The following CDH18 variants were observed in gnomAD, a reference collection of about 807,000 sequenced individuals.
The protein encoded by CDH18 is cadherin-18.
In CDH18, 31 loss-of-function variants were observed where a neutral mutation model predicts 67.9. That is an observed-to-expected ratio of 0.46 (90% CI 0.34 to 0.62). The LOEUF (loss-of-function observed/expected upper bound fraction) is 0.62, where lower values mean the gene tolerates loss of function less well. Ranked by LOEUF, CDH18 falls within the 20% of genes least tolerant of loss-of-function variation. CDH18 has a pLI of 0.01. For synonymous variants in CDH18, 362 were observed against 347.2 expected, an observed-to-expected ratio of 1.04 and a Z score of -0.48; for missense variants, 890 against 975.5, an observed-to-expected ratio of 0.91 and a Z score of 1.17.
intron 8 of CDH18, among the ~76,000 whole-genome samples, chr5:19,569,253 C>T (rs1002732280): frequency 2.6e-5 from 4 of 152,204 alleles, no homozygotes; most frequent in African/African-American, 9.6e-5. Flanking sequence ...GTAACCCAAG[C>T]TCCTCATGTA....
chr5:20,273,292 G>GTT (rs1745572166), intron 1 of CDH18, among the ~76,000 whole-genome samples: 1 of 151,894 alleles, frequency 6.6e-6, no homozygotes, highest in Non-Finnish European at 1.5e-5. Flanking sequence ...TGGGCCTTGT[G>GTT]TTCTTGTGGG....
chr5:20,183,491 A>G (rs964533748), intron 2 of CDH18, among the ~76,000 whole-genome samples: 2 of 152,060 alleles, frequency 1.3e-5, no homozygotes, highest in African/African-American at 4.8e-5. Context: ...AGGCAACGAT[A>G]TTCTCCAAAT....
At chr5:20,520,088 C>T in intron 1 of CDH18, among the ~76,000 whole-genome samples, 1 of 150,566 alleles carries the variant, frequency 6.6e-6, no homozygotes, top group Non-Finnish European at 1.5e-5. Flanking sequence ...GTGTGAGCCA[C>T]CACGCCCAGC....
chr5:19,489,960 A>G (rs1407317947), intron 11 of CDH18, among the ~76,000 whole-genome samples: 2 of 152,148 alleles, frequency 1.3e-5, no homozygotes, highest in African/African-American at 4.8e-5. Flanking sequence ...TAATAACTGC[A>G]GAAGTAGAGA....
chr5:20,087,800 G>A (rs1274407259), intron 2 of CDH18, among the ~76,000 whole-genome samples: 1 of 151,952 alleles, frequency 6.6e-6, no homozygotes, highest in Admixed American at 6.6e-5. Context: ...GCTTGTTTGT[G>A]ATGTTCTCTT....
chr5:19,736,478 A>C (rs530825141), intron 4 of CDH18, among the ~76,000 whole-genome samples: 1 of 152,310 alleles, frequency 6.6e-6, no homozygotes, highest in South Asian at 2.1e-4. Flanking sequence ...TTGAAAGATA[A>C]ATAATGATAT....
intron 2 of CDH18, among the ~76,000 whole-genome samples, chr5:19,921,176 TG>T (rs1792404165): frequency 6.6e-6 from 1 of 152,114 alleles, no homozygotes; most frequent in African/African-American, 2.4e-5. Context: ...AATTATGAAC[TG>T]GATGTGACAA....
At chr5:20,230,284 C>A (rs555137253) in intron 2 of CDH18, among the ~76,000 whole-genome samples, 4 of 152,114 alleles carry the variant, frequency 2.6e-5, no homozygotes, top group Non-Finnish European at 5.9e-5. Flanking sequence ...CTAAGCTCAT[C>A]ATCCACTAAA....
chr5:20,037,170 G>T (rs1053565459), intron 2 of CDH18, among the ~76,000 whole-genome samples: 2 of 151,978 alleles, frequency 1.3e-5, no homozygotes, highest in African/African-American at 4.8e-5. Context: ...ATGCTAGCTG[G>T]TTATTTTGCC....
chr5:19,620,676 TG>T (rs1314167488), intron 5 of CDH18, among the ~76,000 whole-genome samples: 3 of 152,152 alleles, frequency 2.0e-5, no homozygotes, highest in Non-Finnish European at 2.9e-5. Flanking sequence ...TCACTAAAGA[TG>T]TTTCAAACTT....
At chr5:20,515,327 A>G (rs1244561977) in intron 1 of CDH18, among the ~76,000 whole-genome samples, 2 of 151,736 alleles carry the variant, frequency 1.3e-5, no homozygotes, top group Admixed American at 6.6e-5. Flanking sequence ...AAAAAGGAAA[A>G]TAAAACCAGA....
chr5:19,937,707 AT>A (rs999358631), intron 2 of CDH18, among the ~76,000 whole-genome samples: 56 of 150,832 alleles, frequency 3.7e-4, no homozygotes, highest in Non-Finnish European at 6.1e-4. Context: ...ATATGTACAT[AT>A]TTTTTTTCAA....
intron 2 of CDH18, among the ~76,000 whole-genome samples, chr5:20,089,891 A>G (rs796108911): frequency 2.0e-4 from 30 of 152,272 alleles, no homozygotes; most frequent in African/African-American, 6.7e-4. Context: ...GAAATTTCCA[A>G]TCATTAACAG....
At chr5:19,658,806 G>A (rs2028937) in intron 5 of CDH18, among the ~76,000 whole-genome samples, 5,159 of 151,382 alleles carry the variant, frequency 0.034, 284 homozygotes, top group African/African-American at 0.12. Context: ...TCCCCACTTC[G>A]CCCACCCCAC....
chr5:19,762,444 G>A (rs1178570280), intron 3 of CDH18, among the ~76,000 whole-genome samples: 3 of 152,138 alleles, frequency 2.0e-5, no homozygotes, highest in Non-Finnish European at 4.4e-5. Context: ...TGTATGAACA[G>A]ACACTTCAAA....
rs146500633 is a variant in CDH18, at chr5:19,627,111, G to A, written c.644-14510C>T. Among the ~76,000 whole-genome samples, 1,060 of 152,238 alleles carry A rather than the reference G, an allele frequency of 7.0e-3. 8 individuals carry two copies. The highest frequency in any genetic ancestry group is 0.013 in the Non-Finnish European group (853 of 68,006). ...TTTTCTCAACTCCATGTTCAATCGTGTCACCTTGGTAACTTGAAAATCAGT... is the reference window on the plus strand; with the variant it reads ...TTTTCTCAACTCCATGTTCAATCGTATCACCTTGGTAACTTGAAAATCAGT... On this transcript the variant is annotated intron_variant, in intron 5 of 12. Transcript: ENST00000382275.
chr5:20,095,066 A>C (rs1745771905), intron 2 of CDH18, among the ~76,000 whole-genome samples: 1 of 152,028 alleles, frequency 6.6e-6, no homozygotes, highest in African/African-American at 2.4e-5. Flanking sequence ...CAGAAAAACA[A>C]ACACCACATG....
At chr5:19,566,683 G>A (rs1740463347) in intron 8 of CDH18, among the ~76,000 whole-genome samples, 1 of 152,008 alleles carries the variant, frequency 6.6e-6, no homozygotes, top group African/African-American at 2.4e-5. Context: ...ATCACAACAC[G>A]TGGGAATTAT....
Position 20,501,605 on chromosome 5 carries a change from T to TATA in CDH18, c.-580+73854_-580+73856dup, listed in dbSNP as rs1554010586. 1.9e-5 allele frequency among the ~76,000 whole-genome samples: 2 copies of TATA among 107,020 alleles called. 1 individual carries two copies. Among genetic ancestry groups the TATA allele is most frequent in the African/African-American group, 7.3e-5 (2 of 27,424 alleles). The allele number at this position is 107,020 out of a possible 152,430, so 70.2% of individuals were successfully genotyped here. A position where few individuals can be genotyped will look rare whatever the true frequency, so the allele number is the denominator to read the frequency against. On this transcript the variant is annotated intron_variant, in intron 1 of 14. Coordinates refer to the CDH18 transcript ENST00000507958. ...ATTATATATATATATTATATATATA[T>TATA]ATATATATATGGAGATGGAGTCTCG...
Sources: gnomAD v4.1 joint callset for allele counts (sites outside exome capture counted in the v4.1 genomes callset) on GRCh38, gnomAD v4.1.1 for gene constraint, MANE v1.5 for transcripts, NCBI Gene and HGNC (gene_info 2026-07-23, HGNC 2026-07-21) for gene names.